Variants in ACYP2 observed in about 807,000 individuals in gnomAD.
The protein encoded by ACYP2 is acylphosphatase 2, also known as acylphosphatase-2.
Under a neutral mutation model 11.2 loss-of-function variants are expected in ACYP2, and 12 were observed. The ratio of observed to expected loss-of-function variants is 1.08; its 90% CI spans 0.69 to 1.74. The LOEUF is 1.74. Ranked by LOEUF, ACYP2 falls within the 40% of genes most tolerant of loss-of-function variation. ACYP2 has a pLI of 0.00. For synonymous variants in ACYP2, 43 were observed against 32.2 expected (o/e 1.33, Z -1.13); for missense variants, 134 against 101.9 (o/e 1.31, Z -1.35).
chr2:53,974,714 A>G (rs2104504775), intron 2 of ACYP2, among the ~76,000 whole-genome samples: 1 of 152,324 alleles, frequency 6.6e-6, no homozygotes, highest in South Asian at 2.1e-4. Flanking sequence ...AGATCAAGAT[A>G]ATGTTTTTTA....
At chr2:54,059,990 T>C (rs994247731) in intron 4 of ACYP2, among the ~76,000 whole-genome samples, 2 of 152,154 alleles carry the variant, frequency 1.3e-5, no homozygotes, top group African/African-American at 4.8e-5. Context: ...CAATTCCAAG[T>C]TTTTTCTTAG....
intron 6 of ACYP2, among the ~76,000 whole-genome samples, chr2:54,156,381 C>T (rs921215441): frequency 1.3e-5 from 2 of 152,116 alleles, no homozygotes; most frequent in East Asian, 1.9e-4. Flanking sequence ...TATTAAGCCC[C>T]GCATGCATTA....
chr2:53,997,827 T>C (rs776732234), intron 2 of ACYP2, among the ~76,000 whole-genome samples: 5 of 152,004 alleles, frequency 3.3e-5, no homozygotes, highest in Non-Finnish European at 7.4e-5. Flanking sequence ...TATAGGAAAA[T>C]ACATTGGGAA....
intron 2 of ACYP2, among the ~76,000 whole-genome samples, chr2:53,981,483 G>A (rs1224723376): frequency 6.6e-6 from 1 of 152,138 alleles, no homozygotes; most frequent in African/African-American, 2.4e-5. Flanking sequence ...ATCAGAGGCT[G>A]AAGTGAAGTT....
chr2:53,989,677 A>C (rs1672194882), intron 2 of ACYP2, among the ~76,000 whole-genome samples: 1 of 152,186 alleles, frequency 6.6e-6, no homozygotes, highest in African/African-American at 2.4e-5. Flanking sequence ...ACCCAGATTT[A>C]GCCACTATGT....
intron 2 of ACYP2, among the ~76,000 whole-genome samples, chr2:54,035,230 C>G (rs921336320): frequency 2.6e-5 from 4 of 151,114 alleles, no homozygotes; most frequent in African/African-American, 9.7e-5. Flanking sequence ...TAGACCGGCC[C>G]TGACTCTAAC....
intron 4 of ACYP2, among the ~76,000 whole-genome samples, chr2:54,071,874 G>T (rs775786584): frequency 3.9e-5 from 6 of 152,136 alleles, no homozygotes; most frequent in South Asian, 2.1e-4. Flanking sequence ...AGGTGGGCAT[G>T]GTGGCGCGCA....
chr2:54,123,554 A>T, intron 4 of ACYP2: 1 of 396,158 alleles, frequency 2.5e-6, no homozygotes, highest in Non-Finnish European at 4.4e-6. Flanking sequence ...ATTACCATTA[A>T]TTCCAGAACA....
chr2:53,992,210 T>C (rs1285044992), intron 2 of ACYP2, among the ~76,000 whole-genome samples: 1 of 151,740 alleles, frequency 6.6e-6, no homozygotes, highest in Non-Finnish European at 1.5e-5. Context: ...CCTTCCTTTC[T>C]TCTTTCTCCT....
chr2:54,049,069 T>C (rs1675685965), intron 2 of ACYP2, among the ~76,000 whole-genome samples: 1 of 152,140 alleles, frequency 6.6e-6, no homozygotes, highest in Non-Finnish European at 1.5e-5. Flanking sequence ...GAGGCCAGCC[T>C]GGGAAACGTG....
chr2:53,988,146 C>G (rs894365776), intron 2 of ACYP2, among the ~76,000 whole-genome samples: 1 of 152,050 alleles, frequency 6.6e-6, no homozygotes, highest in East Asian at 1.9e-4. Flanking sequence ...AGGAGGATTA[C>G]TTGAGTCCAG....
intron 6 of ACYP2, among the ~76,000 whole-genome samples, chr2:54,188,131 T>C (rs981081263): frequency 1.3e-5 from 2 of 152,136 alleles, no homozygotes; most frequent in African/African-American, 2.4e-5. Flanking sequence ...TATTCTGTTA[T>C]AGCAGCAGAA....
At chr2:54,162,059 T>A (rs1682737979) in intron 6 of ACYP2, among the ~76,000 whole-genome samples, 1 of 152,190 alleles carries the variant, frequency 6.6e-6, no homozygotes, top group Non-Finnish European at 1.5e-5. Context: ...TTGTTATTGT[T>A]CAATTGCTGG....
intron 6 of ACYP2, among the ~76,000 whole-genome samples, chr2:54,259,281 A>T (rs962623515): frequency 2.0e-5 from 3 of 152,228 alleles, no homozygotes; most frequent in African/African-American, 7.2e-5. Context: ...AAGTGGGCAT[A>T]ATGAGTTTAG....
At chr2:54,267,882 GA>G (rs1688109019) in intron 6 of ACYP2, among the ~76,000 whole-genome samples, 1 of 152,184 alleles carries the variant, frequency 6.6e-6, no homozygotes, top group African/African-American at 2.4e-5. Context: ...ATCTAAAATA[GA>G]TTTGAAATAT....
intron 6 of ACYP2, among the ~76,000 whole-genome samples, chr2:54,226,919 A>G (rs1359005010): frequency 6.6e-6 from 1 of 152,214 alleles, no homozygotes; most frequent in African/African-American, 2.4e-5. Flanking sequence ...GAAATGTGAT[A>G]TATTTTTTCC....
intron 2 of ACYP2, among the ~76,000 whole-genome samples, chr2:53,991,417 T>G (rs1049963786): frequency 4.0e-5 from 6 of 151,856 alleles, no homozygotes; most frequent in African/African-American, 1.5e-4. Context: ...TTTCTTTTTT[T>G]TTTTTTGAGA....
intron 3 of ACYP2, chr2:54,051,713 C>CA (rs1675876068): frequency 2.2e-5 from 13 of 587,218 alleles, no homozygotes; most frequent in South Asian, 1.0e-4. Flanking sequence ...CCTGATGCAG[C>CA]AAAAAAAGGA....
At chr2:54,142,198 G>A (rs1208293970) in intron 6 of ACYP2, 2 of 307,032 alleles carry the variant, frequency 6.5e-6, no homozygotes, top group Non-Finnish European at 1.2e-5. Flanking sequence ...CAGAAAAATT[G>A]TGAAGATAGT....
Sources: allele counts gnomAD v4.1 joint callset (sites outside exome capture counted in the v4.1 genomes callset), GRCh38; gene constraint gnomAD v4.1.1; transcripts MANE v1.5; gene names NCBI Gene and HGNC (gene_info 2026-07-23, HGNC 2026-07-21).